Variants in MACROD2 observed in about 807,000 individuals in gnomAD.
MACROD2 encodes the protein mono-ADP ribosylhydrolase 2.
In MACROD2, 36 loss-of-function variants were observed where a neutral mutation model predicts 70.4. The observed-to-expected ratio is 0.51, with a 90% CI of 0.39 to 0.68. MACROD2 has a LOEUF of 0.68. Ranked by LOEUF, MACROD2 falls within the 30% of genes least tolerant of loss-of-function variation. The pLI is 0.00. For synonymous variants in MACROD2, 172 were observed against 178.8 expected, an observed-to-expected ratio of 0.96 and a Z score of 0.30; for missense variants, 496 against 538.4, an observed-to-expected ratio of 0.92 and a Z score of 0.78.
chr20:14,761,813 C>T (rs537131393), intron 5 of MACROD2, among the ~76,000 whole-genome samples: 1 of 152,230 alleles, frequency 6.6e-6, no homozygotes, highest in Non-Finnish European at 1.5e-5. Context: ...CGCACATAAA[C>T]CTAGGAGCTC....
At chr20:14,224,724 A>C (rs529063652) in intron 3 of MACROD2, among the ~76,000 whole-genome samples, 10 of 152,264 alleles carry the variant, frequency 6.6e-5, no homozygotes, top group African/African-American at 2.2e-4. Context: ...TTTTGTAGGG[A>C]GGAGAAATTA....
At chr20:14,228,796 A>C (rs1190006141) in intron 3 of MACROD2, among the ~76,000 whole-genome samples, 1 of 151,908 alleles carries the variant, frequency 6.6e-6, no homozygotes, top group African/African-American at 2.4e-5. Flanking sequence ...ACTTGAGGCC[A>C]GGAGTTCGAG....
At chr20:14,753,499 A>G (rs948524469) in intron 5 of MACROD2, among the ~76,000 whole-genome samples, 2 of 152,144 alleles carry the variant, frequency 1.3e-5, no homozygotes, top group Non-Finnish European at 2.9e-5. Context: ...TAAATAGATT[A>G]CTATCAATAT....
chr20:14,560,069 T>G (rs1200688056), intron 4 of MACROD2, among the ~76,000 whole-genome samples: 1 of 151,840 alleles, frequency 6.6e-6, no homozygotes, highest in African/African-American at 2.4e-5. Context: ...TAGTTCTTAA[T>G]AGTATCTTAC....
chr20:14,791,675 C>T (rs1204835908), intron 5 of MACROD2, among the ~76,000 whole-genome samples: 1 of 151,942 alleles, frequency 6.6e-6, no homozygotes, highest in Non-Finnish European at 1.5e-5. Context: ...TCAAGTTCCA[C>T]GGGACCCTCA....
At position 14,601,226 on chromosome 20, in the gene MACROD2, A is replaced by G. The variant is rs969739143; in HGVS notation, c.302-83617A>G. ...CCCGGGACCGGTTTTGTGGAAGACA[A>G]TTTTTTCCATGGTGTTTGGGAGTGG... On this transcript the variant is annotated intron_variant, in intron 4 of 17. Transcript: ENST00000684519. 7.2e-5 allele frequency among the ~76,000 whole-genome samples: 11 copies of G among 151,954 alleles called. No homozygotes were observed. In the East Asian group the frequency reaches 7.7e-4, roughly 11 times the overall value.
chr20:15,400,393 C>T (rs2045913722), intron 6 of MACROD2, among the ~76,000 whole-genome samples: 1 of 152,138 alleles, frequency 6.6e-6, no homozygotes, highest in Non-Finnish European at 1.5e-5. Context: ...GCTGCCTGAC[C>T]CTCCTGGAAG....
chr20:15,989,830 TA>T (rs11087152), intron 15 of MACROD2, among the ~76,000 whole-genome samples: 144,870 of 149,092 alleles, frequency 0.97, 70,475 homozygotes, highest in East Asian at 1. Flanking sequence ...GTGATTCCTT[TA>T]AAAAAAAAAA....
intron 3 of MACROD2, among the ~76,000 whole-genome samples, chr20:14,306,594 G>A (rs760126904): frequency 1.3e-5 from 2 of 152,036 alleles, no homozygotes; most frequent in African/African-American, 2.4e-5. Context: ...AAGGCAATTG[G>A]CAATTGATAT....
intron 10 of MACROD2, among the ~76,000 whole-genome samples, chr20:15,903,868 C>A (rs773255223): frequency 6.6e-6 from 1 of 152,148 alleles, no homozygotes; most frequent in Non-Finnish European, 1.5e-5. Flanking sequence ...ATCCAAGTAG[C>A]AGCGAAAGGC....
chr20:14,037,621 C>A (rs1012536777), intron 2 of MACROD2, among the ~76,000 whole-genome samples: 1 of 147,214 alleles, frequency 6.8e-6, no homozygotes, highest in Non-Finnish European at 1.5e-5. Flanking sequence ...TCTATGTGAA[C>A]ACGCCAACTG....
intron 3 of MACROD2, among the ~76,000 whole-genome samples, chr20:14,387,600 C>T (rs1378055990): frequency 1.3e-5 from 2 of 152,192 alleles, no homozygotes; most frequent in Non-Finnish European, 2.9e-5. Context: ...AACAGCCAAG[C>T]ATATAAAAAC....
chr20:14,156,972 A>G (rs552610422), intron 3 of MACROD2, among the ~76,000 whole-genome samples: 1 of 152,360 alleles, frequency 6.6e-6, no homozygotes, highest in South Asian at 2.1e-4. Context: ...TTACCATTAA[A>G]GTCATGGATT....
intron 6 of MACROD2, among the ~76,000 whole-genome samples, chr20:15,304,657 A>G (rs1455439607): frequency 6.6e-6 from 1 of 152,160 alleles, no homozygotes; most frequent in Non-Finnish European, 1.5e-5. Flanking sequence ...CTTATTTGGA[A>G]AAGGACTGGC....
chr20:14,599,628 A>G (rs973105673), intron 4 of MACROD2, among the ~76,000 whole-genome samples: 1 of 152,192 alleles, frequency 6.6e-6, no homozygotes, highest in Non-Finnish European at 1.5e-5. Flanking sequence ...TTTCAGCAGC[A>G]GTGCGTAGGA....
At chr20:15,336,989 C>T (rs2078055723) in intron 6 of MACROD2, among the ~76,000 whole-genome samples, 1 of 151,748 alleles carries the variant, frequency 6.6e-6, no homozygotes, top group South Asian at 2.1e-4. Context: ...TTTTTCTCCA[C>T]CCTTGTCTTT....
intron 6 of MACROD2, among the ~76,000 whole-genome samples, chr20:15,258,623 C>T (rs1318284302): frequency 2.0e-5 from 3 of 152,122 alleles, no homozygotes; most frequent in African/African-American, 4.8e-5. Flanking sequence ...TGTTGATGTT[C>T]ACACGATGGT....
At chr20:14,835,497 A>C (rs556899334) in intron 5 of MACROD2, among the ~76,000 whole-genome samples, 7 of 152,184 alleles carry the variant, frequency 4.6e-5, no homozygotes, top group African/African-American at 1.7e-4. Flanking sequence ...AAGTTGGGAC[A>C]TTCAGTCCTT....
At chr20:15,580,267 A>G (rs1036734693) in intron 8 of MACROD2, among the ~76,000 whole-genome samples, 3 of 152,116 alleles carry the variant, frequency 2.0e-5, no homozygotes, top group African/African-American at 7.2e-5. Flanking sequence ...TCCCGTGACA[A>G]TTTGGAGTCA....
Sources: allele counts gnomAD v4.1 joint callset (sites outside exome capture counted in the v4.1 genomes callset), GRCh38; gene constraint gnomAD v4.1.1; transcripts MANE v1.5; gene names NCBI Gene and HGNC (gene_info 2026-07-23, HGNC 2026-07-21).